PDS5B: variants seen among roughly 807,000 people sequenced by gnomAD.
PDS5B encodes the protein sister chromatid cohesion protein PDS5 homolog B.
Under a neutral mutation model 184.1 loss-of-function variants are expected in PDS5B, and 51 were observed. That is an observed-to-expected ratio of 0.28 (90% confidence interval 0.22 to 0.35). The LOEUF is 0.35. Among genes scored for constraint, PDS5B ranks in the 10% least tolerant of loss-of-function variants. The pLI, the probability that PDS5B is intolerant of heterozygous loss-of-function variation, is 1.00. For synonymous variants in PDS5B, 566 were observed against 569.2 expected (o/e 0.99, Z 0.08); for missense variants, 1,180 against 1,723.3 (o/e 0.68, Z 5.58).
intron 31 of PDS5B, among the ~76,000 whole-genome samples, chr13:32,766,625 T>C (rs747983371): frequency 2.6e-5 from 4 of 152,214 alleles, no homozygotes; most frequent in Non-Finnish European, 5.9e-5. Flanking sequence ...CAGCTTCTCA[T>C]TGAAATTTCA....
intron 1 of PDS5B, among the ~76,000 whole-genome samples, chr13:32,598,927 C>T (rs35028942): frequency 0.016 from 2,358 of 151,912 alleles, 24 homozygotes; most frequent in Non-Finnish European, 0.025. Flanking sequence ...CCTGCCACGG[C>T]GCCCAGCTAA....
rs2058161104 is a variant in PDS5B at position 32,612,660 on chromosome 13, T to A, written c.-20+26067T>A. Among the ~76,000 whole-genome samples the A allele has an allele frequency of 2.6e-5, 4 of 152,200 alleles. 1 individual carries two copies. The highest frequency in any genetic ancestry group is 1.3e-4 in the Admixed American group (2 of 15,276). On this transcript the variant is annotated intron_variant, in intron 1 of 34. Coordinates refer to ENST00000315596, the MANE Select transcript of PDS5B (RefSeq NM_015032.4). ...TTTGAGATGATTAGATCCTGAGGGT[T>A]GAGTGAATGGATTAATGCTGCTATT...
chr13:32,727,052 A>C (rs569526829), intron 19 of PDS5B, among the ~76,000 whole-genome samples: 20 of 152,268 alleles, frequency 1.3e-4, no homozygotes, highest in African/African-American at 4.6e-4. Flanking sequence ...GAGTGCTTAG[A>C]GCATTTACAC....
At chr13:32,718,359 C>G (rs1485871853) in intron 19 of PDS5B, among the ~76,000 whole-genome samples, 4 of 152,150 alleles carry the variant, frequency 2.6e-5, no homozygotes, top group Non-Finnish European at 1.5e-5. Context: ...GCTGTGTTAG[C>G]CAGGATGCTC....
At chr13:32,774,918 C>T in intron 34 of PDS5B, 99 bp from the exon 35 acceptor site, 1 of 1,148,134 alleles carries the variant, frequency 8.7e-7, no homozygotes, top group South Asian at 1.3e-5. Context: ...CAAAGAAAAT[C>T]AGGAACAAAT....
At position 32,701,415 on chromosome 13, in the gene PDS5B, G is replaced by A. The variant is rs375834527; in HGVS notation, c.1833G>A (p.Val611=). 5.8e-5 allele frequency: 93 copies of A among 1,602,772 alleles called. No individual in the cohort carries two copies. Among genetic ancestry groups the A allele is most frequent in the Non-Finnish European group, 7.6e-5 (89 of 1,170,992 alleles). Residue 611 remains valine (V), a synonymous_variant, in exon 17 of 35, where the codon GTG becomes GTA. Transcript: ENST00000315596. ...TTCTCTTGGAGAGGATAGCACCTGT[G>A]CACATAGATACCGAATCTATCAGGT... ...IKFLLERIAP[V]HIDTESISAL...
At chr13:32,611,503 CTTTTT>C (rs35825698) in intron 1 of PDS5B, among the ~76,000 whole-genome samples, 3 of 110,914 alleles carry the variant, frequency 2.7e-5, no homozygotes, top group Non-Finnish European at 3.6e-5. Context: ...TTGGTTAAAA[CTTTTT>C]TTTTTTTTTT....
Position 32,602,037 on chromosome 13 carries a change from G to A in PDS5B, c.-20+15444G>A, listed in dbSNP as rs76229847. On this transcript the variant is annotated intron_variant, in intron 1 of 34. Coordinates refer to ENST00000315596, the MANE Select transcript of PDS5B (RefSeq NM_015032.4). ...ATATTTGATCTTGCTCCTTTAGGAA[G>A]TGAATGCATTCAAAACAATGTTTTT... is the stretch of plus-strand genomic sequence containing the variant. 4.5e-3 allele frequency among the ~76,000 whole-genome samples: 607 copies of A among 135,220 alleles called. 5 individuals carry two copies. The highest frequency in any genetic ancestry group is 0.015 in the African/African-American group (580 of 38,144). The allele number at this position is 135,220 out of a possible 152,430, so 88.7% of individuals were successfully genotyped here.
intron 2 of PDS5B, chr13:32,650,471 T>C (rs956983167): frequency 3.3e-5 from 5 of 152,210 alleles, no homozygotes; most frequent in African/African-American, 1.2e-4. Context: ...GGTGATACTG[T>C]TTATAAAATT....
intron 28 of PDS5B, 24 bp downstream of exon 28, chr13:32,758,677 T>C: frequency 6.2e-7 from 1 of 1,610,494 alleles, no homozygotes; most frequent in Non-Finnish European, 8.5e-7. Flanking sequence ...AATTTGTTTG[T>C]GTAAGTTGAA....
chr13:32,717,695 A>T (rs1471688316), intron 19 of PDS5B, among the ~76,000 whole-genome samples: 3 of 149,832 alleles, frequency 2.0e-5, no homozygotes, highest in African/African-American at 2.5e-5. Flanking sequence ...AATAAAAAAA[A>T]AAAAAAATAA....
chr13:32,654,135 T>C (rs1219820211), intron 3 of PDS5B, among the ~76,000 whole-genome samples: 1 of 152,218 alleles, frequency 6.6e-6, no homozygotes, highest in Non-Finnish European at 1.5e-5. Flanking sequence ...CTCTTTTTTC[T>C]TTTTGGGGGA....
chr13:32,775,229 C>T lies in PDS5B; in HGVS notation c.*177C>T. 1 of 598,142 alleles carries T rather than the reference C, an allele frequency of 1.7e-6. No individual in the cohort carries two copies. Among genetic ancestry groups the T allele is most frequent in the Non-Finnish European group, 3.0e-6 (1 of 337,844 alleles). 37.1% of individuals were successfully genotyped at this position (598,142 alleles called of 1,614,324 possible). A position where few individuals can be genotyped will look rare whatever the true frequency, so the allele number is the denominator to read the frequency against. ...TTTGTGGTCACATGCTTTAGCCATA[C>T]ACATGGTAACATTGACTATGGAGTC... On this transcript the variant is annotated 3_prime_UTR_variant, in exon 35 of 35. Transcript: ENST00000315596.
intron 20 of PDS5B, among the ~76,000 whole-genome samples, chr13:32,734,160 T>C (rs1262065081): frequency 6.6e-6 from 1 of 152,140 alleles, no homozygotes; most frequent in Non-Finnish European, 1.5e-5. Flanking sequence ...CCTGAGTAGC[T>C]GGGACTACAG....
chr13:32,621,448 C>T (rs2058300106), intron 1 of PDS5B, among the ~76,000 whole-genome samples: 1 of 152,096 alleles, frequency 6.6e-6, no homozygotes, highest in Non-Finnish European at 1.5e-5. Flanking sequence ...GCCTGGGTGA[C>T]AGAGCAAGAC....
intron 24 of PDS5B, among the ~76,000 whole-genome samples, chr13:32,752,930 A>G (rs1306857498): frequency 6.6e-6 from 1 of 152,148 alleles, no homozygotes; most frequent in African/African-American, 2.4e-5. Context: ...AGAGTTGTAC[A>G]TTTTAATATG....
At chr13:32,704,054 T>C (rs1328986811) in intron 17 of PDS5B, among the ~76,000 whole-genome samples, 1 of 152,252 alleles carries the variant, frequency 6.6e-6, no homozygotes, top group Non-Finnish European at 1.5e-5. Context: ...TATAATTAAA[T>C]GTCAGTCATT....
chr13:32,675,008 T>G (rs1951029258), intron 8 of PDS5B, among the ~76,000 whole-genome samples: 1 of 151,962 alleles, frequency 6.6e-6, no homozygotes, highest in African/African-American at 2.4e-5. Flanking sequence ...GAGATATAAT[T>G]ACTTAGACGA....
At chr13:32,757,738 C>T (rs1381771444) in intron 26 of PDS5B, among the ~76,000 whole-genome samples, 1 of 152,168 alleles carries the variant, frequency 6.6e-6, no homozygotes, top group Admixed American at 6.6e-5. Flanking sequence ...CTCACTTGAT[C>T]CGTGGCCCCA....
Sources: gnomAD v4.1 joint callset for allele counts (sites outside exome capture counted in the v4.1 genomes callset) on GRCh38, gnomAD v4.1.1 for gene constraint, MANE v1.5 for transcripts, NCBI Gene and HGNC (gene_info 2026-07-23, HGNC 2026-07-21) for gene names.